ATP5F1A: variants seen among roughly 807,000 people sequenced by gnomAD.
ATP5F1A encodes the protein ATP synthase F1 subunit alpha, also known as ATP synthase F(1) complex subunit alpha, mitochondrial.
ATP5F1A carries 24 observed loss-of-function variants against 57.4 expected under a neutral mutation model. That is an observed-to-expected ratio of 0.42 (90% CI 0.30 to 0.59). The LOEUF (loss-of-function observed/expected upper bound fraction) is 0.59, where lower values mean the gene tolerates loss of function less well. Among genes scored for constraint, ATP5F1A ranks in the 20% least tolerant of loss-of-function variants. The pLI is 0.19. For synonymous variants in ATP5F1A, 251 were observed against 255.5 expected, an observed-to-expected ratio of 0.98 and a Z score of 0.17; for missense variants, 494 against 707.9, an observed-to-expected ratio of 0.70 and a Z score of 3.43.
At chr18:46,093,919 T>G (rs540967504) in intron 2 of ATP5F1A, among the ~76,000 whole-genome samples, 1 of 151,762 alleles carries the variant, frequency 6.6e-6, no homozygotes. Flanking sequence ...CCAGCCTGGC[T>G]AACATGGTGA....
chr18:46,088,191 C>T lies in ATP5F1A; in HGVS notation c.717G>A (p.Lys239=). The stretch of plus-strand genomic sequence containing the variant: ...CAACATAAATACAGTACAGCTTCTT[C>T]TTTTCATCAGATCCATCATTGAAAC... ...QKRFNDGSDE[K]KKLYCIYVAI... is the part of the protein sequence containing the mutation. Residue 239 remains lysine (K), a synonymous_variant, in exon 6 of 12, where the codon AAG becomes AAA. Coordinates refer to ENST00000398752, the MANE Select transcript of ATP5F1A (RefSeq NM_004046.6). The T allele has an allele frequency of 6.2e-7, 1 of 1,605,234 alleles. No homozygotes were observed. The highest frequency in any genetic ancestry group is 2.2e-5 in the East Asian group (1 of 44,712).
chr18:46,086,742 C>A, intron 8 of ATP5F1A: 1 of 596,698 alleles, frequency 1.7e-6, no homozygotes, highest in South Asian at 2.1e-5. Flanking sequence ...GATATAATTT[C>A]TATTTGATTC....
At chr18:46,095,591 A>G (rs892322696) in intron 1 of ATP5F1A, among the ~76,000 whole-genome samples, 11 of 151,930 alleles carry the variant, frequency 7.2e-5, no homozygotes, top group Admixed American at 6.6e-4. Context: ...TGCTAGAACT[A>G]TAGGCGTGAG....
chr18:46,084,332 C>T lies in ATP5F1A; in HGVS notation c.1612G>A (p.Ala538Thr). The T allele has an allele frequency of 6.2e-7, 1 of 1,613,594 alleles. No homozygotes were observed. The highest frequency in any genetic ancestry group is 8.5e-7 in the Non-Finnish European group (1 of 1,179,966). Residue 538 changes from alanine (A) to threonine (T), a missense_variant, in exon 12 of 12, where the codon GCA (alanine) becomes ACA (threonine). Transcript: ENST00000398752. ...TTTGTTACAATCTCTTTCAGCTTTGCATCTGATTGTTCTGAGATCTTTCCA... is the reference window on the plus strand; with the variant it reads ...TTTGTTACAATCTCTTTCAGCTTTGTATCTGATTGTTCTGAGATCTTTCCA... ...ADGKISEQSDAKLKEIVTNFL... is the reference protein window; with the variant it reads ...ADGKISEQSDTKLKEIVTNFL...
intron 1 of ATP5F1A, among the ~76,000 whole-genome samples, chr18:46,103,664 C>A (rs1911358848): frequency 6.7e-6 from 1 of 149,872 alleles, no homozygotes; most frequent in African/African-American, 2.5e-5. Flanking sequence ...GCCTGTAATC[C>A]CAGCACTTTG....
rs572730732 is a variant in ATP5F1A at position 46,097,299 on chromosome 18, G to A, written c.60+873C>T. Among the ~76,000 whole-genome samples, 11 of 152,100 alleles carry A rather than the reference G, an allele frequency of 7.2e-5. 1 individual carries two copies. In the South Asian group the frequency reaches 1.9e-3, roughly 26 times the overall value. On this transcript the variant is annotated intron_variant, in intron 1 of 11. Coordinates refer to ENST00000398752, the MANE Select transcript of ATP5F1A (RefSeq NM_004046.6). ...ATGTTTATTTCACCTTTCAAATTGA[G>A]ATTACTTTTAGAACAAAAAAAAAGT...
At chr18:46,098,484 T>C (rs1911154371), upstream of ATP5F1A, 1 of 1,194,392 alleles carries the variant, frequency 8.4e-7, no homozygotes, top group South Asian at 2.0e-5. Context: ...GCTTTGGTCC[T>C]GGCATTCGTT....
intron 2 of ATP5F1A, among the ~76,000 whole-genome samples, chr18:46,093,767 T>A (rs2144206624): frequency 6.6e-6 from 1 of 151,864 alleles, no homozygotes; most frequent in Middle Eastern, 3.4e-3. Context: ...GAGGTTGCAG[T>A]GAGCTGAGAT....
chr18:46,096,982 C>CAAAAAAA lies in ATP5F1A; in HGVS notation c.60+1183_60+1189dup, dbSNP rs71160709. Among the ~76,000 whole-genome samples, 181 of 75,148 alleles carry CAAAAAAA rather than the reference C, an allele frequency of 2.4e-3. 4 individuals carry two copies. The highest frequency in any genetic ancestry group is 0.01 in the African/African-American group (168 of 16,076). The allele number at this position is 75,148 out of a possible 152,430, so 49.3% of individuals were successfully genotyped here. ...TGGGCGACTGAGCGAGACACCATCT[C>CAAAAAAA]AAAAAAAAAAAAAAAAAAAAAAAAC... is the stretch of plus-strand genomic sequence containing the variant. On this transcript the variant is annotated intron_variant, in intron 1 of 11. Transcript: ENST00000398752.
Position 46,081,690 on chromosome 18 carries a change from A to AC in ATP5F1A, c.*2591_*2592insG. ...AAAAAAAACAAAAAAAAAAAAAAAAAAAAAAAACGAAATGTGCAGAACCTT... is the reference window on the plus strand; with the variant it reads ...AAAAAAAACAAAAAAAAAAAAAAAAACAAAAAAACGAAATGTGCAGAACCTT... On this transcript the variant is annotated 3_prime_UTR_variant, in exon 12 of 12. Transcript: ENST00000398752. 6.7e-6 allele frequency: 1 copy of AC among 149,398 alleles called. No individual in the cohort carries two copies. Among genetic ancestry groups the AC allele is most frequent in the Non-Finnish European group, 1.5e-5 (1 of 67,580 alleles). The allele number at this position is 149,398 out of a possible 1,614,324, so 9.3% of individuals were successfully genotyped here.
At chr18:46,084,805 T>A in intron 10 of ATP5F1A, 151 bp from the exon 11 acceptor site, 1 of 758,516 alleles carries the variant, frequency 1.3e-6, no homozygotes, top group Non-Finnish European at 2.0e-6. Flanking sequence ...GAACTCCACT[T>A]AATAATCCTT....
In ATP5F1A at chr18:46,095,065, G is replaced by A. The variant is rs746364441; in HGVS notation, c.127C>T (p.Leu43Phe). 2 of 1,612,058 alleles carry A rather than the reference G, an allele frequency of 1.2e-6. No individual in the cohort carries two copies. The highest frequency in any genetic ancestry group is 2.2e-5 in the South Asian group (2 of 90,760). ...ARNFHASNTH[L>F]QKTGTAEMSS... The stretch of plus-strand genomic sequence containing the variant: ...AATAATAACTTACCAGTCTTTTGAA[G>A]ATGAGTGTTAGAGGCATGGAAGTTC... The change falls in exon 2 of 12, where the codon CTT (leucine) becomes TTT (phenylalanine). Residue 43 changes from leucine to phenylalanine, a missense_variant. Physicochemically the swap from Leu to Phe is conservative, Grantham distance 22 (BLOSUM62 0). Transcript: ENST00000398752.
At position 46,092,945 on chromosome 18, in the gene ATP5F1A, C is replaced by T. The variant is rs555503486; in HGVS notation, c.140-1094G>A. ...GGTGGATCACTTGAGGCCAGGAGTT[C>T]GAGACCAGCCTGGGCAACATGGTGA... On this transcript the variant is annotated intron_variant, in intron 2 of 11. Coordinates refer to ENST00000398752, the MANE Select transcript of ATP5F1A (RefSeq NM_004046.6). 5.3e-5 allele frequency among the ~76,000 whole-genome samples: 8 copies of T among 151,542 alleles called. No individual in the cohort carries two copies. The South Asian group carries it at 1.3e-3, about 24-fold the overall frequency.
intron 1 of ATP5F1A, among the ~76,000 whole-genome samples, chr18:46,103,791 G>T (rs111606332): frequency 0.073 from 11,050 of 151,712 alleles, 503 homozygotes; most frequent in African/African-American, 0.13. Flanking sequence ...GCGCTTGCCC[G>T]TAGTCCCAGC....
At chr18:46,097,213 T>C (rs1308524701) in intron 1 of ATP5F1A, among the ~76,000 whole-genome samples, 1 of 152,048 alleles carries the variant, frequency 6.6e-6, no homozygotes. Flanking sequence ...TTAAAAATGC[T>C]TTTTTGTTAA....
At chr18:46,096,840 G>C (rs1304962199) in intron 1 of ATP5F1A, among the ~76,000 whole-genome samples, 1 of 151,752 alleles carries the variant, frequency 6.6e-6, no homozygotes, top group Non-Finnish European at 1.5e-5. Flanking sequence ...AAAAGTAGCA[G>C]GGCATGACGG....
At chr18:46,095,999 A>G (rs1224390189) in intron 1 of ATP5F1A, among the ~76,000 whole-genome samples, 1 of 151,154 alleles carries the variant, frequency 6.6e-6, no homozygotes, top group East Asian at 2.0e-4. Flanking sequence ...AGCGATTCTC[A>G]TGCCTCGGCC....
At chr18:46,103,676 G>C (rs1256756099) in intron 1 of ATP5F1A, among the ~76,000 whole-genome samples, 1 of 151,670 alleles carries the variant, frequency 6.6e-6, no homozygotes, top group African/African-American at 2.4e-5. Context: ...AGCACTTTGG[G>C]AGGCCGAGGT....
At position 46,087,083 on chromosome 18, in the gene ATP5F1A, C is replaced by T. The variant is rs1246858092; in HGVS notation, c.1101G>A (p.Leu367=). The change falls in exon 8 of 12, where the codon TTG becomes TTA. Residue 367 remains leucine, a synonymous_variant. Coordinates refer to ENST00000398752, the MANE Select transcript of ATP5F1A (RefSeq NM_004046.6). The stretch of plus-strand genomic sequence containing the variant: ...CACCAGCCTGTGTTTCTATGACTGG[C>T]AAAGCAGTCAAGGAGCCACCACCAA... ...DAFGGGSLTA[L]PVIETQAGDV... The T allele has an allele frequency of 1.9e-6, 3 of 1,613,920 alleles. No homozygotes were observed. The highest frequency in any genetic ancestry group is 2.5e-6 in the Non-Finnish European group (3 of 1,179,946).
Sources: gnomAD v4.1 joint callset for allele counts (sites outside exome capture counted in the v4.1 genomes callset) on GRCh38, gnomAD v4.1.1 for gene constraint, MANE v1.5 for transcripts, NCBI Gene and HGNC (gene_info 2026-07-23, HGNC 2026-07-21) for gene names.